The following RPGRIP1 variants were observed in gnomAD, a reference collection of about 807,000 sequenced individuals.
RPGRIP1 encodes the protein X-linked retinitis pigmentosa GTPase regulator-interacting protein 1.
In RPGRIP1, 128 loss-of-function variants were observed where a neutral mutation model predicts 157.9. That is an observed-to-expected ratio of 0.81 (90% confidence interval 0.70 to 0.94). RPGRIP1 has a LOEUF of 0.94. RPGRIP1 is among the 40% of genes least tolerant of loss of function. RPGRIP1 has a pLI of 0.00. For missense variants in RPGRIP1, 1,486 were observed against 1,545.8 expected (o/e 0.96, Z 0.65); for synonymous variants, 554 against 571.6 (o/e 0.97, Z 0.44).
intron 16 of RPGRIP1, 54 bp downstream of exon 16, chr14:21,325,437 A>G (rs1882978208): frequency 1.3e-6 from 2 of 1,507,918 alleles, no homozygotes; most frequent in Non-Finnish European, 9.0e-7. Flanking sequence ...CAAACAGCTC[A>G]TGAGCACAGT....
At chr14:21,349,068 ATT>A (rs397709409) in intron 24 of RPGRIP1, among the ~76,000 whole-genome samples, 2 of 113,414 alleles carry the variant, frequency 1.8e-5, no homozygotes, top group African/African-American at 3.5e-5. Context: ...CCTTACTACA[ATT>A]TTTTTTTTTT....
rs1040692850 is a variant in RPGRIP1 at position 21,299,872 on chromosome 14, G to A, written c.219-1094G>A. On this transcript the variant is annotated intron_variant, in intron 3 of 24. Coordinates refer to ENST00000400017, the MANE Select transcript of RPGRIP1 (RefSeq NM_020366.4). ...GTCAGCGTGGTTGGATCCTGGTAAG[G>A]GCCATCTTTCTAGCTTGCTGACTGC... is the stretch of plus-strand genomic sequence containing the variant. Among the ~76,000 whole-genome samples, 6 of 151,396 alleles carry A rather than the reference G, an allele frequency of 4.0e-5. No individual in the cohort carries two copies. The Admixed American group carries it at 4.0e-4, about 10-fold the overall frequency.
At chr14:21,328,797 C>A (rs1394450900) in intron 19 of RPGRIP1, among the ~76,000 whole-genome samples, 170 bp downstream of exon 19, 1 of 151,172 alleles carries the variant, frequency 6.6e-6, no homozygotes, top group African/African-American at 2.4e-5. Flanking sequence ...TTGAGGTGGG[C>A]AGATCACCTC....
intron 3 of RPGRIP1, among the ~76,000 whole-genome samples, chr14:21,300,185 A>G (rs1172809186): frequency 6.6e-6 from 1 of 152,048 alleles, no homozygotes; most frequent in Non-Finnish European, 1.5e-5. Context: ...CATGCCTGTA[A>G]TCCCAGCTAC....
In RPGRIP1 at chr14:21,321,772, T is replaced by G. The variant is rs999316263; in HGVS notation, c.1612-82T>G. 2.2e-6 allele frequency: 3 copies of G among 1,379,370 alleles called. No individual in the cohort carries two copies. The African/African-American group carries it at 4.3e-5, about 20-fold the overall frequency. 85.4% of individuals were successfully genotyped at this position (1,379,370 alleles called of 1,614,324 possible). On this transcript the variant is annotated intron_variant, in intron 13 of 24. Coordinates refer to ENST00000400017, the MANE Select transcript of RPGRIP1 (RefSeq NM_020366.4). Reference sequence around the variant, plus strand: ...GCCCAGCTAAGGATAGCAGTCTTCTTGACCTAGCCAGTGCCACATTTTTTA... The same window carrying G: ...GCCCAGCTAAGGATAGCAGTCTTCTGGACCTAGCCAGTGCCACATTTTTTA...
intron 3 of RPGRIP1, among the ~76,000 whole-genome samples, 179 bp from the exon 4 acceptor site, chr14:21,300,787 C>T (rs763140327): frequency 6.7e-6 from 1 of 148,740 alleles, no homozygotes; most frequent in Non-Finnish European, 1.5e-5. Context: ...TCACAATGGC[C>T]CTGCCCTCAA....
rs544953416 is a variant in RPGRIP1, at chr14:21,293,880, T to C, written c.86-797T>C. The stretch of plus-strand genomic sequence containing the variant: ...GGCGAGAGTGCGAGACTCCGTCTCT[T>C]AAAAAAAAAAAAAATGGAAGAAATT... On this transcript the variant is annotated intron_variant, in intron 2 of 24. Transcript: ENST00000400017. Among the ~76,000 whole-genome samples, 966 of 139,168 alleles carry C rather than the reference T, an allele frequency of 6.9e-3. 7 individuals carry two copies. The highest frequency in any genetic ancestry group is 0.03 in the Middle Eastern group (8 of 268). The allele number at this position is 139,168 out of a possible 152,430, so 91.3% of individuals were successfully genotyped here. A position where few individuals can be genotyped will look rare whatever the true frequency, so the allele number is the denominator to read the frequency against.
rs114936974 is a variant in RPGRIP1, at chr14:21,328,658, T to C, written c.3099+31T>C. Reference sequence around the variant, plus strand: ...ACCTTAAAAACTCTGAAGCACTAAATTGTGGGTTGTAGTGTCCCCAGATGT... The same window carrying C: ...ACCTTAAAAACTCTGAAGCACTAAACTGTGGGTTGTAGTGTCCCCAGATGT... On this transcript the variant is annotated intron_variant, in intron 19 of 24. Transcript: ENST00000400017. 6,663 of 1,498,504 alleles carry C rather than the reference T, an allele frequency of 4.4e-3. 240 individuals carry two copies. The African/African-American group carries it at 0.077, about 17-fold the overall frequency. 92.8% of individuals were successfully genotyped at this position (1,498,504 alleles called of 1,614,324 possible). A position where few individuals can be genotyped will look rare whatever the true frequency, so the allele number is the denominator to read the frequency against.
chr14:21,300,440 T>C (rs1880974689), intron 3 of RPGRIP1, among the ~76,000 whole-genome samples: 1 of 151,942 alleles, frequency 6.6e-6, no homozygotes, highest in Admixed American at 6.6e-5. Context: ...AATCAGATAG[T>C]AGCAAAAAAA....
intron 2 of RPGRIP1, among the ~76,000 whole-genome samples, chr14:21,290,053 C>T (rs1207249483): frequency 6.6e-6 from 1 of 151,784 alleles, no homozygotes; most frequent in East Asian, 1.9e-4. Flanking sequence ...GATGGGGTTT[C>T]ACCATGCTGG....
chr14:21,288,141 A>C, intron 2 of RPGRIP1, 80 bp downstream of exon 2: 1 of 886,556 alleles, frequency 1.1e-6, no homozygotes, highest in East Asian at 2.4e-5. Context: ...GCCTTCACAG[A>C]GACTGATTTA....
At chr14:21,298,715 G>A (rs180774284) in intron 3 of RPGRIP1, among the ~76,000 whole-genome samples, 1 of 151,910 alleles carries the variant, frequency 6.6e-6, no homozygotes, top group African/African-American at 2.4e-5. Context: ...GCCAAGGCGG[G>A]TAGATCACTA....
chr14:21,314,453 T>C (rs542683505), intron 10 of RPGRIP1, among the ~76,000 whole-genome samples: 96 of 152,152 alleles, frequency 6.3e-4, no homozygotes, highest in African/African-American at 2.2e-3. Flanking sequence ...ATTTTATAAT[T>C]AAAAAGAACT....
rs150107283 is a variant in RPGRIP1 at position 21,310,610 on chromosome 14, A to G, written c.930+3A>G. ...CATACGAAACCTTGCTCCAGAAGGT[A>G]CTTAATGAGAATTGAGTCTCTGTTT... On this transcript the variant is annotated splice_donor_region_variant and intron_variant, in intron 8 of 24. Coordinates refer to ENST00000400017, the MANE Select transcript of RPGRIP1 (RefSeq NM_020366.4). The G allele has an allele frequency of 3.3e-3, 4,844 of 1,458,464 alleles. 30 individuals carry two copies. The highest frequency in any genetic ancestry group is 2.9e-3 in the Non-Finnish European group (3,163 of 1,074,392). The allele number at this position is 1,458,464 out of a possible 1,614,324, so 90.3% of individuals were successfully genotyped here.
chr14:21,325,146 G>T (rs1029177233), intron 15 of RPGRIP1, 76 bp downstream of exon 15: 7 of 1,539,042 alleles, frequency 4.5e-6, no homozygotes, highest in Non-Finnish European at 4.4e-6. Flanking sequence ...CTTTTCTGGT[G>T]GTTTCTTATT....
chr14:21,308,261 G>A (rs1405751467), intron 7 of RPGRIP1, among the ~76,000 whole-genome samples: 1 of 152,156 alleles, frequency 6.6e-6, no homozygotes, highest in Non-Finnish European at 1.5e-5. Flanking sequence ...TTTTAAGCCT[G>A]ACAACAGCCC....
intron 2 of RPGRIP1, among the ~76,000 whole-genome samples, chr14:21,290,670 T>A (rs1880487694): frequency 6.6e-6 from 1 of 151,754 alleles, no homozygotes. Context: ...CAAAAAAAAA[T>A]TAGCCAGGCC....
chr14:21,309,072 C>T (rs1202103014), intron 7 of RPGRIP1, among the ~76,000 whole-genome samples: 2 of 152,204 alleles, frequency 1.3e-5, no homozygotes, highest in African/African-American at 2.4e-5. Flanking sequence ...AGGTTGCCTT[C>T]CCGGCTGTAA....
intron 24 of RPGRIP1, 73 bp from the exon 25 acceptor site, chr14:21,351,031 G>C: frequency 1.2e-6 from 1 of 802,462 alleles, no homozygotes. Context: ...AGCATCCCCA[G>C]TACCTAACCT....
Sources: gnomAD v4.1 joint callset for allele counts (sites outside exome capture counted in the v4.1 genomes callset) on GRCh38, gnomAD v4.1.1 for gene constraint, MANE v1.5 for transcripts, NCBI Gene and HGNC (gene_info 2026-07-23, HGNC 2026-07-21) for gene names.